Variants in SIDT2 observed in about 807,000 individuals in gnomAD.
The protein encoded by SIDT2 is SID1 transmembrane family member 2.
Under a neutral mutation model 114.4 loss-of-function variants are expected in SIDT2, and 68 were observed. That is an observed-to-expected ratio of 0.59 (90% confidence interval 0.49 to 0.73). SIDT2 has a LOEUF of 0.73. Among genes scored for constraint, SIDT2 ranks in the 30% least tolerant of loss-of-function variants. SIDT2 has a pLI of 0.00. For synonymous variants in SIDT2, 470 were observed against 438.4 expected (o/e 1.07, Z -0.90); for missense variants, 918 against 1,097.1 (o/e 0.84, Z 2.31).
chr11:117,185,930 G>T, intron 8 of SIDT2, 200 bp from the exon 9 acceptor site: 1 of 454,804 alleles, frequency 2.2e-6, no homozygotes. Context: ...GGAGCAACAT[G>T]AGCAAAAATA....
At chr11:117,195,085 C>CCAAA (rs2030845566) in intron 24 of SIDT2, among the ~76,000 whole-genome samples, 2 of 45,700 alleles carry the variant, frequency 4.4e-5, no homozygotes, top group Non-Finnish European at 4.4e-5. Flanking sequence ...GACTCTGTCT[C>CCAAA]AAAAAAAAAA....
Position 117,188,986 on chromosome 11 carries a change from C to T in SIDT2, c.1278+160C>T, listed in dbSNP as rs367804074. 5 of 956,474 alleles carry T rather than the reference C, an allele frequency of 5.2e-6. No individual in the cohort carries two copies. In the South Asian group the frequency reaches 5.8e-5, roughly 11 times the overall value. The allele number at this position is 956,474 out of a possible 1,614,324, so 59.2% of individuals were successfully genotyped here. On this transcript the variant is annotated intron_variant, in intron 13 of 25. Coordinates refer to ENST00000324225, the MANE Select transcript of SIDT2 (RefSeq NM_001040455.2). The surrounding 1 kb of genome is among the most constrained non-coding windows in gnomAD (Gnocchi z 4.0). ...CCGGGGAAACTAACCTGACCTCCAA[C>T]CCCTTCCGGCCTGATTGGCCAAACC...
rs1247245339 is a variant in SIDT2, at chr11:117,190,337, C to T, written c.1617+48C>T. ...GCCGCAGCCTCAGCTCCAGCACAGA[C>T]CTCAAGCCTTGGCTCCAGGACACCC... On this transcript the variant is annotated intron_variant, in intron 17 of 25. Transcript: ENST00000324225. This position sits in a 1 kb window ranked among gnomAD's most constrained non-coding sequence, Gnocchi z 4.1. The T allele has an allele frequency of 6.6e-7, 1 of 1,520,098 alleles. No individual in the cohort carries two copies. Among genetic ancestry groups the T allele is most frequent in the Non-Finnish European group, 8.8e-7 (1 of 1,136,132 alleles). 94.2% of individuals were successfully genotyped at this position (1,520,098 alleles called of 1,614,324 possible). A position where few individuals can be genotyped will look rare whatever the true frequency, so the allele number is the denominator to read the frequency against.
intron 10 of SIDT2, chr11:117,187,011 A>G (rs2030521377): frequency 1.4e-6 from 2 of 1,447,958 alleles, no homozygotes; most frequent in African/African-American, 1.4e-5. Flanking sequence ...GGTAAGCTCC[A>G]GGTGCTGTGG....
intron 6 of SIDT2, 136 bp downstream of exon 6, chr11:117,182,942 T>G: frequency 1.1e-6 from 1 of 932,592 alleles, no homozygotes; most frequent in South Asian, 1.8e-5. Flanking sequence ...TCCCTGTGAC[T>G]TTGAGTCCCC....
intron 10 of SIDT2, chr11:117,186,993 C>T (rs2030521155): frequency 1.4e-6 from 2 of 1,454,132 alleles, no homozygotes; most frequent in Admixed American, 4.1e-5. Flanking sequence ...CTCTTAGCTT[C>T]TCTCCTTGGT....
chr11:117,189,785 C>CA (rs1180775988), intron 15 of SIDT2, 167 bp from the exon 16 acceptor site: 12 of 659,182 alleles, frequency 1.8e-5, no homozygotes, highest in Non-Finnish European at 3.3e-5. Context: ...GACTGTGCTG[C>CA]ATGGCATCCA....
chr11:117,188,715 C>T lies in SIDT2; in HGVS notation c.1167C>T (p.Ser389=). The stretch of plus-strand genomic sequence containing the variant: ...CCTCCCTGCCCTTTCCAGGCCGCTC[C>T]TTTGAACCTGTAGGTACTCGGCCCC... The part of the protein sequence containing the change: ...GDLSYGYQGR[S]FEPVGTRPRV... Residue 389 remains serine (S), a synonymous_variant, in exon 13 of 26, where the codon TCC becomes TCT. Coordinates refer to ENST00000324225, the MANE Select transcript of SIDT2 (RefSeq NM_001040455.2). The surrounding 1 kb of genome is among the most constrained non-coding windows in gnomAD (Gnocchi z 4.0). 6.2e-7 allele frequency: 1 copy of T among 1,614,148 alleles called. No individual in the cohort carries two copies. Among genetic ancestry groups the T allele is most frequent in the Non-Finnish European group, 8.5e-7 (1 of 1,179,972 alleles).
At position 117,192,044 on chromosome 11, in the gene SIDT2, G is replaced by C. The variant is rs768811399; in HGVS notation, c.1872+30G>C. The C allele has an allele frequency of 6.2e-7, 1 of 1,612,910 alleles. No individual in the cohort carries two copies. The highest frequency in any genetic ancestry group is 8.5e-7 in the Non-Finnish European group (1 of 1,179,340). ...GGGCCTGACCTGCTCTGCTCAGCCT[G>C]TATGATAGGAAAGGTGCACGTGCGT... On this transcript the variant is annotated intron_variant, in intron 19 of 25. Transcript: ENST00000324225. This position sits in a 1 kb window ranked among gnomAD's most constrained non-coding sequence, Gnocchi z 5.9.
chr11:117,187,826 C>A, intron 12 of SIDT2, 127 bp downstream of exon 12: 1 of 845,758 alleles, frequency 1.2e-6, no homozygotes, highest in Admixed American at 1.9e-5. Flanking sequence ...TCTTCCTAAC[C>A]CCTCTCTTCC....
Position 117,179,180 on chromosome 11 carries a change from A to G in SIDT2, c.-84A>G, listed in dbSNP as rs2030156656. The stretch of plus-strand genomic sequence containing the variant: ...GTGAGATGCTGGAAGCTGCGGCCGC[A>G]GCCGCAACCCGTCCCGGAGGTGTCC... On this transcript the variant is annotated 5_prime_UTR_variant, in exon 1 of 26. Coordinates refer to ENST00000324225, the MANE Select transcript of SIDT2 (RefSeq NM_001040455.2). 2 of 1,348,424 alleles carry G rather than the reference A, an allele frequency of 1.5e-6. No individual in the cohort carries two copies. Among genetic ancestry groups the G allele is most frequent in the East Asian group, 4.7e-5 (2 of 42,886 alleles). 83.5% of individuals were successfully genotyped at this position (1,348,424 alleles called of 1,614,324 possible). A position where few individuals can be genotyped will look rare whatever the true frequency, so the allele number is the denominator to read the frequency against.
At chr11:117,180,927 A>G (rs2030260450) in intron 1 of SIDT2, among the ~76,000 whole-genome samples, 1 of 152,132 alleles carries the variant, frequency 6.6e-6, no homozygotes, top group Non-Finnish European at 1.5e-5. Context: ...CATGGCCTTC[A>G]ATACCTACCC....
chr11:117,187,795 G>C, intron 12 of SIDT2, 96 bp downstream of exon 12: 1 of 1,202,292 alleles, frequency 8.3e-7, no homozygotes, highest in South Asian at 1.2e-5. Context: ...CCAGATGCTG[G>C]AACCTGGGAA....
In SIDT2 at chr11:117,188,748, C is replaced by T. The variant is rs1405712271; in HGVS notation, c.1200C>T (p.Asp400=). 6.2e-7 allele frequency: 1 copy of T among 1,614,084 alleles called. No homozygotes were observed. The highest frequency in any genetic ancestry group is 1.7e-5 in the Admixed American group (1 of 60,008). Residue 400 remains aspartate, a synonymous_variant, in exon 13 of 26, where the codon GAC becomes GAT. Transcript: ENST00000324225. This position sits in a 1 kb window ranked among gnomAD's most constrained non-coding sequence, Gnocchi z 4.0. ...CTGTAGGTACTCGGCCCCGAGTGGA[C>T]TCCATGAGCTCTGTGGAGGAGGATG... The part of the protein sequence containing the change: ...FEPVGTRPRV[D]SMSSVEEDDY...
At chr11:117,189,652 A>C in intron 15 of SIDT2, 1 of 601,396 alleles carries the variant, frequency 1.7e-6, no homozygotes, top group Non-Finnish European at 2.9e-6. Context: ...CGGATTATGA[A>C]ACCAAAGTCC....
At chr11:117,187,263 G>T (rs1026792577) in intron 10 of SIDT2, 115 bp from the exon 11 acceptor site, 2 of 1,093,510 alleles carry the variant, frequency 1.8e-6, no homozygotes, top group Admixed American at 1.8e-5. Context: ...GCTGCTTCTC[G>T]TCTGCTGGCA....
rs372741154 is a variant in SIDT2, at chr11:117,191,890, T to G, written c.1748T>G (p.Met583Arg). 1.1e-5 allele frequency: 17 copies of G among 1,613,998 alleles called. No individual in the cohort carries two copies. The highest frequency in any genetic ancestry group is 1.4e-5 in the Non-Finnish European group (17 of 1,180,026). Residue 583 changes from methionine (M) to arginine (R), a missense_variant, in exon 19 of 26, where the codon ATG becomes AGG. Coordinates refer to ENST00000324225, the MANE Select transcript of SIDT2 (RefSeq NM_001040455.2). Reference protein sequence around the residue: ...YTNFQFDTSFMYMIAGLCMLK... With the variant: ...YTNFQFDTSFRYMIAGLCMLK... ...TCCCTCATCCTAGACACATCGTTCA[T>G]GTACATGATCGCCGGACTCTGCATG... is the stretch of plus-strand genomic sequence containing the variant.
chr11:117,195,699 T>C, intron 24 of SIDT2, 103 bp from the exon 25 acceptor site: 5 of 1,174,030 alleles, frequency 4.3e-6, no homozygotes, highest in Non-Finnish European at 6.3e-6. Context: ...CTGTCCTGCC[T>C]GGGGCTGGAG....
At chr11:117,189,143 T>G in intron 13 of SIDT2, 26 bp from the exon 14 acceptor site, 1 of 1,612,378 alleles carries the variant, frequency 6.2e-7, no homozygotes, top group East Asian at 2.2e-5. Context: ...TAGCAGTAAG[T>G]GGGGCTGATT....
Sources: gnomAD v4.1 joint callset for allele counts (sites outside exome capture counted in the v4.1 genomes callset) on GRCh38, gnomAD v4.1.1 for gene constraint, Gnocchi (gnomAD v3.1) non-coding constraint, MANE v1.5 for transcripts, NCBI Gene and HGNC (gene_info 2026-07-23, HGNC 2026-07-21) for gene names.